STK32B: variants seen among roughly 807,000 people sequenced by gnomAD.
STK32B encodes the protein serine/threonine kinase 32B, also known as serine/threonine-protein kinase 32B.
In STK32B, 43 loss-of-function variants were observed where a neutral mutation model predicts 52.6. The ratio of observed to expected loss-of-function variants is 0.82; its 90% CI spans 0.64 to 1.05. The LOEUF (loss-of-function observed/expected upper bound fraction) is 1.05, where lower values mean the gene tolerates loss of function less well. STK32B is among the 50% of genes least tolerant of loss of function. STK32B has a pLI of 0.00. For synonymous variants in STK32B, 238 were observed against 204.3 expected (o/e 1.17, Z -1.41); for missense variants, 621 against 534.6 (o/e 1.16, Z -1.59).
the STK32B span, among the ~76,000 whole-genome samples, chr4:5,022,881 G>A: frequency 6.6e-6 from 1 of 152,150 alleles, no homozygotes; most frequent in South Asian, 2.1e-4. Flanking sequence ...TGGGTGAGTG[G>A]TGTGATGGCA....
At chr4:5,070,382 G>T (rs1393910938) in intron 1 of STK32B, among the ~76,000 whole-genome samples, 1 of 152,138 alleles carries the variant, frequency 6.6e-6, no homozygotes, top group African/African-American at 2.4e-5. Context: ...CCTATGGAGA[G>T]ACTGGGGGCT....
At chr4:5,098,707 G>T (rs1233744253) in intron 1 of STK32B, among the ~76,000 whole-genome samples, 1 of 152,190 alleles carries the variant, frequency 6.6e-6, no homozygotes, top group African/African-American at 2.4e-5. Context: ...CAAAAACTCT[G>T]CCCTCTTCCT....
chr4:5,029,057 A>G, the STK32B span, among the ~76,000 whole-genome samples: 1 of 152,182 alleles, frequency 6.6e-6, no homozygotes, highest in Non-Finnish European at 1.5e-5. Context: ...GTGCTAAACC[A>G]TTCAGGAGAA....
chr4:5,081,810 C>G (rs1377837450), intron 1 of STK32B, among the ~76,000 whole-genome samples: 3 of 152,088 alleles, frequency 2.0e-5, no homozygotes, highest in African/African-American at 7.2e-5. Context: ...TTTCTGTGTT[C>G]TCCTATACCT....
chr4:5,357,146 C>T (rs375761878), intron 4 of STK32B, among the ~76,000 whole-genome samples: 2 of 152,070 alleles, frequency 1.3e-5, no homozygotes, highest in African/African-American at 4.8e-5. Flanking sequence ...AGGCTTGAGG[C>T]CCCAGGAATT....
At chr4:5,440,035 T>C (rs904054856) in intron 6 of STK32B, among the ~76,000 whole-genome samples, 7 of 152,216 alleles carry the variant, frequency 4.6e-5, no homozygotes, top group South Asian at 4.1e-4. Flanking sequence ...AGTCAGGTAG[T>C]GTGATGCCTC....
chr4:5,161,317 AG>A (rs1577123822), intron 2 of STK32B, among the ~76,000 whole-genome samples: 1 of 152,198 alleles, frequency 6.6e-6, no homozygotes, highest in African/African-American at 2.4e-5. Flanking sequence ...CTCAGCAGCA[AG>A]GGACAAAAAA....
intron 4 of STK32B, among the ~76,000 whole-genome samples, chr4:5,332,648 G>C (rs55977716): frequency 0.29 from 44,538 of 151,782 alleles, 9,792 homozygotes; most frequent in African/African-American, 0.61. Flanking sequence ...CCTCCCCGCT[G>C]CCTCCACCCC....
At chr4:5,279,410 A>C (rs1306461230) in intron 3 of STK32B, among the ~76,000 whole-genome samples, 1 of 151,832 alleles carries the variant, frequency 6.6e-6, no homozygotes, top group East Asian at 1.9e-4. Context: ...TCCAGGCCAC[A>C]CTGATGCAAA....
chr4:5,438,976 C>A (rs74504119), intron 6 of STK32B, among the ~76,000 whole-genome samples: 17,953 of 151,316 alleles, frequency 0.12, 1,363 homozygotes, highest in East Asian at 0.39. Flanking sequence ...TGTGTATGTG[C>A]CACATTTTCT....
chr4:5,274,505 TA>T (rs1386315793), intron 3 of STK32B, among the ~76,000 whole-genome samples: 2 of 152,164 alleles, frequency 1.3e-5, no homozygotes, highest in African/African-American at 4.8e-5. Context: ...CATCCACCTT[TA>T]AACACGGGGC....
At chr4:5,244,384 C>G (rs1270407372) in intron 3 of STK32B, among the ~76,000 whole-genome samples, 2 of 152,132 alleles carry the variant, frequency 1.3e-5, no homozygotes, top group Non-Finnish European at 2.9e-5. Flanking sequence ...GTAGTATTCT[C>G]TGATGGTAGT....
At chr4:5,084,462 A>G (rs1419399903) in intron 1 of STK32B, among the ~76,000 whole-genome samples, 1 of 152,204 alleles carries the variant, frequency 6.6e-6, no homozygotes, top group Non-Finnish European at 1.5e-5. Context: ...TGAAGACATG[A>G]AAAAAATGAT....
At chr4:5,405,662 C>A (rs62297340) in intron 5 of STK32B, among the ~76,000 whole-genome samples, 23,696 of 152,090 alleles carry the variant, frequency 0.16, 2,267 homozygotes, top group Admixed American at 0.27. Context: ...GCAAGCACGT[C>A]TTCACATGGC....
intron 2 of STK32B, among the ~76,000 whole-genome samples, chr4:5,161,696 G>C (rs1718458586): frequency 6.6e-6 from 1 of 152,170 alleles, no homozygotes; most frequent in East Asian, 1.9e-4. Context: ...TGCTATAAAG[G>C]AGAAAAGGGG....
chr4:5,454,255 C>T lies in STK32B; in HGVS notation c.667-2552C>T, dbSNP rs115174215. Among the ~76,000 whole-genome samples the T allele has an allele frequency of 4.1e-3, 616 of 151,848 alleles. 4 individuals are homozygous for T. The highest frequency in any genetic ancestry group is 5.6e-3 in the Admixed American group (85 of 15,262). On this transcript the variant is annotated intron_variant, in intron 7 of 11. Coordinates refer to ENST00000282908, the MANE Select transcript of STK32B (RefSeq NM_018401.3). Reference sequence around the variant, plus strand: ...GCTGCTGTTCATTACCTGTGATGGCCGTAACTAAGATCCACACACTGGGTG... The same window carrying T: ...GCTGCTGTTCATTACCTGTGATGGCTGTAACTAAGATCCACACACTGGGTG...
At chr4:5,088,967 G>C (rs1712894264) in intron 1 of STK32B, among the ~76,000 whole-genome samples, 1 of 151,732 alleles carries the variant, frequency 6.6e-6, no homozygotes, top group Non-Finnish European at 1.5e-5. Context: ...AAAGGAACTA[G>C]AGAAGGTTAA....
intron 11 of STK32B, among the ~76,000 whole-genome samples, chr4:5,491,105 G>A (rs1371098315): frequency 6.6e-6 from 1 of 152,148 alleles, no homozygotes; most frequent in Non-Finnish European, 1.5e-5. Context: ...GGGATGGCTG[G>A]GTCAAATGGT....
intron 3 of STK32B, among the ~76,000 whole-genome samples, chr4:5,227,259 G>C (rs879703760): frequency 6.6e-6 from 1 of 152,130 alleles, no homozygotes; most frequent in Non-Finnish European, 1.5e-5. Context: ...ATGTCAATGA[G>C]ATTTCATTCT....
Sources: gnomAD v4.1 joint callset for allele counts (sites outside exome capture counted in the v4.1 genomes callset) on GRCh38, gnomAD v4.1.1 for gene constraint, MANE v1.5 for transcripts, NCBI Gene and HGNC (gene_info 2026-07-23, HGNC 2026-07-21) for gene names.